The following FLYWCH1 variants were observed in gnomAD, a reference collection of about 807,000 sequenced individuals.
The protein encoded by FLYWCH1 is FLYWCH-type zinc finger-containing protein 1.
In FLYWCH1, 75 loss-of-function variants were observed where a neutral mutation model predicts 66.4. The ratio of observed to expected loss-of-function variants is 1.13; its 90% CI spans 0.94 to 1.37. The LOEUF (loss-of-function observed/expected upper bound fraction) is 1.37, where lower values mean the gene tolerates loss of function less well. Among genes scored for constraint, FLYWCH1 ranks in the 40% most tolerant of loss-of-function variants. The pLI, the probability that FLYWCH1 is intolerant of heterozygous loss-of-function variation, is 0.00. For missense variants in FLYWCH1, 1,334 were observed against 1,001.8 expected, an observed-to-expected ratio of 1.33 and a Z score of -4.48; for synonymous variants, 595 against 429.9, an observed-to-expected ratio of 1.38 and a Z score of -4.75.
chr16:2,937,342 C>A lies in FLYWCH1; in HGVS notation c.1735C>A (p.Gln579Lys). 1 of 1,594,646 alleles carries A rather than the reference C, an allele frequency of 6.3e-7. No individual in the cohort carries two copies. Residue 579 changes from glutamine to lysine, a missense_variant, in exon 7 of 10, where the codon CAG becomes AAG. Gln to Lys is a moderately conservative substitution (Grantham distance 53, BLOSUM62 1). Transcript: ENST00000253928. ...PDLGGLEALR[Q>K]REHFPNLAQW... ...CCTGGGCGGCCTGGAGGCCCTGCGG[C>A]AGCGGGAGCACTTCCCCAACCTGGC...
In FLYWCH1 at chr16:2,911,939, G is replaced by C. The variant is rs1213261064; in HGVS notation, c.-403G>C. 1 of 152,150 alleles carries C rather than the reference G, an allele frequency of 6.6e-6. No homozygotes were observed. Among genetic ancestry groups the C allele is most frequent in the Admixed American group, 6.5e-5 (1 of 15,272 alleles). The allele number at this position is 152,150 out of a possible 1,614,324, so 9.4% of individuals were successfully genotyped here. The stretch of plus-strand genomic sequence containing the variant: ...CTTGCTGCGCATGCTCTGAAGTAGC[G>C]CGCCTGAGCGTTCCGCAAGGCCGGC... On this transcript the variant is annotated 5_prime_UTR_variant, in exon 1 of 10. Coordinates refer to ENST00000253928, the MANE Select transcript of FLYWCH1 (RefSeq NM_001308068.2).
chr16:2,932,112 T>C (rs12448012), intron 4 of FLYWCH1, among the ~76,000 whole-genome samples: 77,553 of 130,936 alleles, frequency 0.59, 23,540 homozygotes, highest in African/African-American at 0.71. Flanking sequence ...AGCAAGACTC[T>C]GTCTCAAAAA....
chr16:2,922,818 C>A (rs1471119314), intron 2 of FLYWCH1: 1 of 523,528 alleles, frequency 1.9e-6, no homozygotes, highest in Admixed American at 1.9e-5. Flanking sequence ...TGCTTGTTGG[C>A]TTTAACATCC....
At chr16:2,915,884 C>CA (rs2070152463) in intron 2 of FLYWCH1, among the ~76,000 whole-genome samples, 1 of 151,828 alleles carries the variant, frequency 6.6e-6, no homozygotes, top group African/African-American at 2.4e-5. Flanking sequence ...CAAATGGAGG[C>CA]AAAACTGGCC....
At chr16:2,924,140 C>G (rs547692580) in intron 2 of FLYWCH1, among the ~76,000 whole-genome samples, 2 of 152,216 alleles carry the variant, frequency 1.3e-5, no homozygotes, top group African/African-American at 4.8e-5. Flanking sequence ...ACCATCCTGG[C>G]TAACACGGTG....
At chr16:2,946,939 GA>G (rs1419026052) in intron 9 of FLYWCH1, among the ~76,000 whole-genome samples, 5 of 152,094 alleles carry the variant, frequency 3.3e-5, no homozygotes, top group Non-Finnish European at 7.4e-5. Context: ...AACACTCTGG[GA>G]GTTCTTAATG....
Position 2,927,246 on chromosome 16 carries a change from A to G in FLYWCH1, c.-73-2367A>G, listed in dbSNP as rs145846665. On this transcript the variant is annotated intron_variant, in intron 2 of 9. Transcript: ENST00000253928. ...AACAGCACCACCTAGTGGACAAGGT[A>G]GCACACTGCACGCGATCATTGATGA... Among the ~76,000 whole-genome samples the G allele has an allele frequency of 8.8e-3, 1,337 of 152,322 alleles. 7 individuals carry two copies. The highest frequency in any genetic ancestry group is 0.014 in the Non-Finnish European group (955 of 68,032).
At position 2,933,915 on chromosome 16, in the gene FLYWCH1, GGGAGGCCT is replaced by G. The variant is rs1437088165; in HGVS notation, c.1457_1464del (p.Leu486ProfsTer173). The G allele has an allele frequency of 5.7e-6, 9 of 1,574,386 alleles. No individual in the cohort carries two copies. The highest frequency in any genetic ancestry group is 6.9e-6 in the Non-Finnish European group (8 of 1,160,484). On this transcript the variant is annotated frameshift_variant, in exon 6 of 10. Transcript: ENST00000253928. LOFTEE classifies it high-confidence loss of function. ...GTGGTCACTGCCACCCGCCCGACCT[GGGAGGCCT>G]GGAGGCCCTGAGGCAGCGGGAGAAA...
intron 6 of FLYWCH1, chr16:2,934,484 G>T (rs1044104763): frequency 4.1e-5 from 15 of 363,702 alleles, no homozygotes; most frequent in Middle Eastern, 9.7e-4. Flanking sequence ...TTATCCACAC[G>T]GTCGGCCCCC....
intron 8 of FLYWCH1, 86 bp from the exon 9 acceptor site, chr16:2,939,946 G>C: frequency 1.3e-6 from 2 of 1,492,926 alleles, no homozygotes; most frequent in Non-Finnish European, 9.0e-7. Flanking sequence ...CCTTGAGGGC[G>C]TCGTTAACAA....
At position 2,933,186 on chromosome 16, in the gene FLYWCH1, C is replaced by T. The variant is rs1410763595; in HGVS notation, c.853C>T (p.His285Tyr). ...RTCYGGSFLV[H>Y]ESFLYKREKA... ...GTGCTACGGGGGCAGCTTCCTGGTA[C>T]ACGAGTCGTTCCTCTACAAGCGGGA... Residue 285 changes from histidine (H) to tyrosine (Y), a missense_variant, in exon 5 of 10, where the codon CAC (histidine) becomes TAC (tyrosine). His to Tyr is a moderately conservative substitution (Grantham distance 83). Transcript: ENST00000253928. The T allele has an allele frequency of 5.0e-6, 8 of 1,613,486 alleles. No homozygotes were observed. The highest frequency in any genetic ancestry group is 6.8e-6 in the Non-Finnish European group (8 of 1,179,832).
chr16:2,931,755 G>A (rs944127519), intron 4 of FLYWCH1, among the ~76,000 whole-genome samples: 5 of 150,884 alleles, frequency 3.3e-5, no homozygotes, highest in Non-Finnish European at 5.9e-5. Flanking sequence ...GGATCATGAG[G>A]TCAGGAGTTC....
chr16:2,936,502 C>T (rs757570002), intron 6 of FLYWCH1: 2 of 448,188 alleles, frequency 4.5e-6, no homozygotes, highest in Non-Finnish European at 9.0e-6. Flanking sequence ...CCATCCCCTG[C>T]TTCCACTGCC....
intron 9 of FLYWCH1, among the ~76,000 whole-genome samples, chr16:2,948,241 T>C (rs2071563964): frequency 6.6e-6 from 1 of 151,964 alleles, no homozygotes; most frequent in Non-Finnish European, 1.5e-5. Flanking sequence ...GTAAAGGAAT[T>C]GATACGGATG....
At chr16:2,919,113 T>G (rs1034091907) in intron 2 of FLYWCH1, among the ~76,000 whole-genome samples, 1 of 151,872 alleles carries the variant, frequency 6.6e-6, no homozygotes, top group East Asian at 1.9e-4. Context: ...TCTTTTGTGT[T>G]TTAGTAGATG....
At chr16:2,938,145 C>A in intron 7 of FLYWCH1, 39 bp from the exon 8 acceptor site, 1 of 1,593,984 alleles carries the variant, frequency 6.3e-7, no homozygotes, top group Admixed American at 1.7e-5. Context: ...GCCACCCAGG[C>A]CCCTGTGGCC....
chr16:2,930,924 G>A, intron 4 of FLYWCH1, 44 bp downstream of exon 4: 1 of 1,463,066 alleles, frequency 6.8e-7, no homozygotes, highest in Non-Finnish European at 9.2e-7. Flanking sequence ...CGGGGCAGGG[G>A]ACCCGAGGGC....
At chr16:2,936,531 G>A (rs772949784) in intron 6 of FLYWCH1, 15 of 452,302 alleles carry the variant, frequency 3.3e-5, no homozygotes, top group African/African-American at 1.6e-4. Context: ...TGTCCACGAT[G>A]CCCCAGGCCA....
chr16:2,939,461 A>C (rs1233417066), intron 8 of FLYWCH1, among the ~76,000 whole-genome samples: 1 of 144,250 alleles, frequency 6.9e-6, no homozygotes, highest in Non-Finnish European at 1.6e-5. Flanking sequence ...CATCTCAAAA[A>C]AAGAGAAGAA....
Sources: gnomAD v4.1 joint callset for allele counts (sites outside exome capture counted in the v4.1 genomes callset) on GRCh38, gnomAD v4.1.1 for gene constraint, MANE v1.5 for transcripts, NCBI Gene and HGNC (gene_info 2026-07-23, HGNC 2026-07-21) for gene names.